The following RPTOR variants were observed in gnomAD, a reference collection of about 807,000 sequenced individuals.
RPTOR encodes regulatory-associated protein of mTOR.
In RPTOR, 21 loss-of-function variants were observed where a neutral mutation model predicts 169.9. That is an observed-to-expected ratio of 0.12 (90% CI 0.09 to 0.18). RPTOR has a LOEUF of 0.18. RPTOR is among the 10% of genes least tolerant of loss of function. The pLI, the probability that RPTOR is intolerant of heterozygous loss-of-function variation, is 1.00. For missense variants in RPTOR, 1,133 were observed against 1,855.9 expected (o/e 0.61, Z 7.16); for synonymous variants, 732 against 753.2 (o/e 0.97, Z 0.46).
chr17:80,724,612 C>T (rs556691490), intron 4 of RPTOR, among the ~76,000 whole-genome samples: 5 of 152,280 alleles, frequency 3.3e-5, no homozygotes, highest in African/African-American at 1.2e-4. Context: ...CAGGTTCTCC[C>T]ATCCCAACAG....
At chr17:80,587,084 A>C (rs1421366918) in intron 1 of RPTOR, among the ~76,000 whole-genome samples, 1 of 152,234 alleles carries the variant, frequency 6.6e-6, no homozygotes, top group Non-Finnish European at 1.5e-5. Flanking sequence ...AATATCCAGA[A>C]ACAACACGGG....
chr17:80,690,009 G>A (rs74002828), intron 3 of RPTOR, among the ~76,000 whole-genome samples: 2,330 of 152,290 alleles, frequency 0.015, 67 homozygotes, highest in African/African-American at 0.053. Context: ...ATATGTAAAA[G>A]CATTCTAGGG....
chr17:80,935,266 G>C (rs1323386005), intron 24 of RPTOR, among the ~76,000 whole-genome samples: 3 of 152,158 alleles, frequency 2.0e-5, no homozygotes, highest in Non-Finnish European at 2.9e-5. Flanking sequence ...ATAATATTAA[G>C]ATTCCAGTTC....
chr17:80,668,489 A>G (rs1254854761), intron 3 of RPTOR, among the ~76,000 whole-genome samples: 2 of 152,332 alleles, frequency 1.3e-5, no homozygotes, highest in Middle Eastern at 3.4e-3. Flanking sequence ...AGAGTCGGCC[A>G]TGGCCATTCT....
chr17:80,908,920 C>G lies in RPTOR; in HGVS notation c.2511C>G (p.Ile837Met), dbSNP rs1293489421. 5 of 1,612,534 alleles carry G rather than the reference C, an allele frequency of 3.1e-6. No homozygotes were observed. The highest frequency in any genetic ancestry group is 4.2e-6 in the Non-Finnish European group (5 of 1,178,714). ...TGGCCATGAAAGTACTCAACAGCAT[C>G]GCCTACAAGGTACGTGCCGGGCGCT... ...SDVAMKVLNS[I>M]AYKATVNARP... Residue 837 changes from isoleucine (I) to methionine (M), a missense_variant, in exon 21 of 34, where the codon ATC becomes ATG. By Grantham distance (10) the Ile-to-Met change is conservative (BLOSUM62 1). Around this residue, in one of 9 missense-constraint regions of RPTOR, gnomAD observed 123 missense variants for 129.0 expected, o/e 0.95. Coordinates refer to ENST00000306801, the MANE Select transcript of RPTOR (RefSeq NM_020761.3).
chr17:80,902,324 G>A (rs564640305), intron 20 of RPTOR, among the ~76,000 whole-genome samples: 15 of 152,288 alleles, frequency 9.8e-5, no homozygotes, highest in African/African-American at 2.9e-4. Context: ...CCTGCCCCCC[G>A]TCTCAGCAGC....
At chr17:80,741,381 G>T (rs1378889273) in intron 5 of RPTOR, among the ~76,000 whole-genome samples, 5 of 152,206 alleles carry the variant, frequency 3.3e-5, no homozygotes, top group African/African-American at 1.2e-4. Context: ...TAAGGTGGTA[G>T]ATGTTGGCAA....
At chr17:80,706,876 A>AT (rs2066146067) in intron 3 of RPTOR, among the ~76,000 whole-genome samples, 2 of 152,048 alleles carry the variant, frequency 1.3e-5, no homozygotes, top group African/African-American at 4.8e-5. Context: ...CCATTTGTTC[A>AT]CGTCTTCTGT....
At chr17:80,605,542 T>A (rs548204233) in intron 1 of RPTOR, among the ~76,000 whole-genome samples, 1 of 152,066 alleles carries the variant, frequency 6.6e-6, no homozygotes, top group African/African-American at 2.4e-5. Flanking sequence ...AAGTGCATAG[T>A]CTTAAGTCTC....
Position 80,936,086 on chromosome 17 carries a change from CA to C in RPTOR, c.2920-4407del, listed in dbSNP as rs2068951843. Among the ~76,000 whole-genome samples the C allele has an allele frequency of 6.6e-6, 1 of 152,064 alleles. No individual in the cohort carries two copies. Among genetic ancestry groups the C allele is most frequent in the South Asian group, 2.1e-4 (1 of 4,828 alleles). ...CCCACCAAAGAAGATATACAGGTGGCAAATAAGGACATGGAATGATGCTCAT... is the reference window on the plus strand; with the variant it reads ...CCCACCAAAGAAGATATACAGGTGGCAATAAGGACATGGAATGATGCTCAT... On this transcript the variant is annotated intron_variant, in intron 24 of 33. Coordinates refer to ENST00000306801, the MANE Select transcript of RPTOR (RefSeq NM_020761.3). The surrounding 1 kb of genome is among the most constrained non-coding windows in gnomAD (Gnocchi z 4.1).
chr17:80,912,350 C>T (rs556227713), intron 21 of RPTOR, among the ~76,000 whole-genome samples: 2 of 152,180 alleles, frequency 1.3e-5, no homozygotes, highest in Admixed American at 6.5e-5. Flanking sequence ...GAGGTTTGAT[C>T]GTTTTCCCCC....
intron 2 of RPTOR, among the ~76,000 whole-genome samples, chr17:80,631,338 G>A (rs2065440390): frequency 1.3e-5 from 2 of 152,108 alleles, no homozygotes. Context: ...TTCTCATGAA[G>A]TGGGGGTGCA....
intron 21 of RPTOR, among the ~76,000 whole-genome samples, chr17:80,922,160 G>A (rs926776677): frequency 5.3e-5 from 8 of 152,210 alleles, no homozygotes; most frequent in Admixed American, 6.5e-5. Context: ...CGTGCCCACC[G>A]GCCAGGTCCC....
Position 80,609,169 on chromosome 17 carries a change from G to A in RPTOR, c.163-16522G>A, listed in dbSNP as rs1300033220. On this transcript the variant is annotated intron_variant, in intron 1 of 33. Coordinates refer to ENST00000306801, the MANE Select transcript of RPTOR (RefSeq NM_020761.3). The surrounding 1 kb of genome is among the most constrained non-coding windows in gnomAD (Gnocchi z 4.8). ...TGCCTCGGGCTGCAGGGGGCGGGGA[G>A]CACATGCGGCGTGCAGACCTTTCCT... Among the ~76,000 whole-genome samples the A allele has an allele frequency of 6.6e-6, 1 of 152,182 alleles. No individual in the cohort carries two copies. Among genetic ancestry groups the A allele is most frequent in the African/African-American group, 2.4e-5 (1 of 41,448 alleles).
chr17:80,643,635 A>G, intron 2 of RPTOR, 93 bp from the exon 3 acceptor site: 1 of 862,548 alleles, frequency 1.2e-6, no homozygotes, highest in South Asian at 1.7e-5. Flanking sequence ...GTGACTTTGA[A>G]GTGTGTTATA....
chr17:80,609,796 T>C lies in RPTOR; in HGVS notation c.163-15895T>C, dbSNP rs1222303131. On this transcript the variant is annotated intron_variant, in intron 1 of 33. Transcript: ENST00000306801. This position sits in a 1 kb window ranked among gnomAD's most constrained non-coding sequence, Gnocchi z 4.8. ...GGTTGTGTGTGTGTGTGTGTGTGTG[T>C]GTGTGTGTGTGTTAAGAGAGCCATT... 4.6e-5 allele frequency among the ~76,000 whole-genome samples: 7 copies of C among 150,936 alleles called. No homozygotes were observed. Among genetic ancestry groups the C allele is most frequent in the Admixed American group, 4.0e-4 (6 of 15,168 alleles).
chr17:80,565,466 A>G (rs1329627921), intron 1 of RPTOR, among the ~76,000 whole-genome samples: 1 of 152,178 alleles, frequency 6.6e-6, no homozygotes, highest in Non-Finnish European at 1.5e-5. Context: ...CAGTAAAACA[A>G]TGTTTTCTTT....
intron 3 of RPTOR, among the ~76,000 whole-genome samples, chr17:80,697,178 G>A (rs1044492601): frequency 5.9e-5 from 9 of 151,994 alleles, no homozygotes; most frequent in African/African-American, 1.7e-4. Flanking sequence ...ACATGGGGGC[G>A]GTCCCCCCAC....
At chr17:80,793,453 C>T (rs2067069823) in intron 7 of RPTOR, among the ~76,000 whole-genome samples, 1 of 152,180 alleles carries the variant, frequency 6.6e-6, no homozygotes, top group Admixed American at 6.5e-5. Context: ...TTCTGTTTGT[C>T]GTGCCTCCCT....
Sources: gnomAD v4.1 joint callset for allele counts (sites outside exome capture counted in the v4.1 genomes callset) on GRCh38, gnomAD v4.1.1 for gene constraint, gnomAD v4.1.1 regional missense constraint, Gnocchi (gnomAD v3.1) non-coding constraint, MANE v1.5 for transcripts, NCBI Gene and HGNC (gene_info 2026-07-23, HGNC 2026-07-21) for gene names.